MSRA: variants seen among roughly 807,000 people sequenced by gnomAD.
The protein encoded by MSRA is methionine sulfoxide reductase A.
Under a neutral mutation model 31.3 loss-of-function variants are expected in MSRA, and 54 were observed. That is an observed-to-expected ratio of 1.73 (90% CI 1.39 to 2.17). MSRA has a LOEUF of 2.17. Among genes scored for constraint, MSRA ranks in the 30% most tolerant of loss-of-function variants. The pLI is 0.00. For synonymous variants in MSRA, 169 were observed against 116.5 expected, an observed-to-expected ratio of 1.45 and a Z score of -2.90; for missense variants, 507 against 300.9, an observed-to-expected ratio of 1.69 and a Z score of -5.07.
intron 5 of MSRA, among the ~76,000 whole-genome samples, chr8:10,416,578 A>T (rs1808473081): frequency 6.6e-6 from 1 of 152,148 alleles, no homozygotes; most frequent in Admixed American, 6.5e-5. Flanking sequence ...CTGCCTGGAG[A>T]CCACCCATGT....
chr8:10,396,500 A>T (rs1234918176), intron 5 of MSRA, among the ~76,000 whole-genome samples: 2 of 152,248 alleles, frequency 1.3e-5, no homozygotes, highest in Non-Finnish European at 2.9e-5. Flanking sequence ...TTCTGCACTG[A>T]GAACTTGGAT....
At chr8:10,107,914 T>C (rs1045580349) in intron 1 of MSRA, among the ~76,000 whole-genome samples, 1 of 152,318 alleles carries the variant, frequency 6.6e-6, no homozygotes, top group South Asian at 2.1e-4. Context: ...TAATCTCCTT[T>C]AGTTTGCCTT....
intron 1 of MSRA, among the ~76,000 whole-genome samples, chr8:10,090,927 C>T (rs1230214641): frequency 6.6e-6 from 1 of 152,204 alleles, no homozygotes; most frequent in Non-Finnish European, 1.5e-5. Flanking sequence ...TGTATCCGTT[C>T]ATCAGCTGCT....
intron 3 of MSRA, among the ~76,000 whole-genome samples, chr8:10,292,644 C>T (rs906415752): frequency 2.0e-5 from 3 of 152,238 alleles, no homozygotes; most frequent in African/African-American, 7.2e-5. Context: ...GCCGGGCTCT[C>T]TCCCTGCACA....
chr8:10,407,892 T>A (rs1243063039), intron 5 of MSRA, among the ~76,000 whole-genome samples: 1 of 152,250 alleles, frequency 6.6e-6, no homozygotes, highest in Non-Finnish European at 1.5e-5. Flanking sequence ...GTATCAATTC[T>A]GAGAATTTCA....
chr8:10,353,808 TAGAG>T, intron 5 of MSRA: 3 of 289,270 alleles, frequency 1.0e-5, no homozygotes, highest in Middle Eastern at 6.9e-4. Flanking sequence ...GTAATAAACA[TAGAG>T]GGAGAAATAA....
intron 1 of MSRA, among the ~76,000 whole-genome samples, chr8:10,106,290 G>A (rs891837432): frequency 2.0e-5 from 3 of 152,164 alleles, no homozygotes; most frequent in African/African-American, 7.2e-5. Flanking sequence ...GCCATTTACT[G>A]CAGGGAGTGA....
At chr8:10,151,366 G>C (rs1010632832) in intron 1 of MSRA, among the ~76,000 whole-genome samples, 4 of 152,094 alleles carry the variant, frequency 2.6e-5, no homozygotes, top group Admixed American at 2.6e-4. Flanking sequence ...ACAGCAGGCC[G>C]GGCGTGGTGG....
intron 1 of MSRA, among the ~76,000 whole-genome samples, chr8:10,135,362 G>A (rs1802198341): frequency 6.6e-6 from 1 of 152,190 alleles, no homozygotes; most frequent in Non-Finnish European, 1.5e-5. Context: ...CTTGGCATGA[G>A]AGAGTTTTGC....
chr8:10,168,679 G>C (rs1029260332), intron 1 of MSRA, among the ~76,000 whole-genome samples: 1 of 152,158 alleles, frequency 6.6e-6, no homozygotes, highest in Admixed American at 6.5e-5. Flanking sequence ...AAGTGACTCA[G>C]CTGGGATTCG....
chr8:10,409,423 C>T (rs555091334), intron 5 of MSRA, among the ~76,000 whole-genome samples: 22 of 152,252 alleles, frequency 1.4e-4, no homozygotes, highest in African/African-American at 3.9e-4. Context: ...TCTTGTCACA[C>T]GGGGACATGG....
chr8:10,332,839 T>C (rs1802783699), intron 5 of MSRA, among the ~76,000 whole-genome samples: 1 of 152,238 alleles, frequency 6.6e-6, no homozygotes, highest in Non-Finnish European at 1.5e-5. Context: ...GCTTTACATA[T>C]TAAACTGTGT....
intron 3 of MSRA, 119 bp from the exon 4 acceptor site, chr8:10,301,415 C>T (rs1800836399): frequency 1.4e-6 from 1 of 699,280 alleles, no homozygotes; most frequent in Admixed American, 2.5e-5. Flanking sequence ...ATCCTCCTTC[C>T]ATTCTTCCTT....
At chr8:10,395,983 C>T (rs1807073188) in intron 5 of MSRA, among the ~76,000 whole-genome samples, 1 of 152,214 alleles carries the variant, frequency 6.6e-6, no homozygotes, top group South Asian at 2.1e-4. Flanking sequence ...TGGGCAGTCT[C>T]TTGTCTAACA....
chr8:10,337,599 G>T (rs1350045384), intron 5 of MSRA: 1 of 656,498 alleles, frequency 1.5e-6, no homozygotes, highest in Non-Finnish European at 2.8e-6. Flanking sequence ...GTCTCTGGAA[G>T]TTGGTTAATT....
chr8:10,342,515 G>A (rs1803491274), intron 5 of MSRA, among the ~76,000 whole-genome samples: 1 of 152,154 alleles, frequency 6.6e-6, no homozygotes, highest in Non-Finnish European at 1.5e-5. Flanking sequence ...TTCCCCGGGG[G>A]CCTCTGAGCC....
chr8:10,080,883 T>G (rs1798259285), intron 1 of MSRA, among the ~76,000 whole-genome samples: 1 of 152,140 alleles, frequency 6.6e-6, no homozygotes, highest in Non-Finnish European at 1.5e-5. Flanking sequence ...CAGCTTTTCT[T>G]GCTAAAGACT....
intron 1 of MSRA, among the ~76,000 whole-genome samples, chr8:10,138,046 A>C (rs1473002952): frequency 6.6e-6 from 1 of 152,186 alleles, no homozygotes; most frequent in African/African-American, 2.4e-5. Context: ...TTTAGTGCTC[A>C]TTTCACTGGG....
At chr8:10,277,761 T>C (rs552104358) in intron 3 of MSRA, among the ~76,000 whole-genome samples, 3 of 152,366 alleles carry the variant, frequency 2.0e-5, no homozygotes, top group South Asian at 2.1e-4. Flanking sequence ...TAATTTTTTG[T>C]ATTCAGATCT....
Sources: gnomAD v4.1 joint callset for allele counts (sites outside exome capture counted in the v4.1 genomes callset) on GRCh38, gnomAD v4.1.1 for gene constraint, MANE v1.5 for transcripts, NCBI Gene and HGNC (gene_info 2026-07-23, HGNC 2026-07-21) for gene names.